FNDC3B: variants seen among roughly 807,000 people sequenced by gnomAD.
The protein encoded by FNDC3B is fibronectin type III domain containing 3B.
FNDC3B carries 12 observed loss-of-function variants against 151.5 expected under a neutral mutation model. That is an observed-to-expected ratio of 0.08 (90% CI 0.05 to 0.13). The LOEUF (loss-of-function observed/expected upper bound fraction) is 0.13. FNDC3B is among the 10% of genes least tolerant of loss of function. The pLI is 1.00. For synonymous variants in FNDC3B, 528 were observed against 549.0 expected, an observed-to-expected ratio of 0.96 and a Z score of 0.54; for missense variants, 1,214 against 1,505.3, an observed-to-expected ratio of 0.81 and a Z score of 3.20.
At chr3:172,330,374 A>G in intron 12 of FNDC3B, 167 bp from the exon 13 acceptor site, 1 of 528,574 alleles carries the variant, frequency 1.9e-6, no homozygotes, top group Non-Finnish European at 3.3e-6. Context: ...GGGGATGGGG[A>G]AGCTGAAGGT....
intron 11 of FNDC3B, 46 bp from the exon 12 acceptor site, chr3:172,328,906 T>G (rs546622865): frequency 7.3e-6 from 5 of 687,350 alleles, no homozygotes; most frequent in Middle Eastern, 3.0e-4. Context: ...TTATCTGTTG[T>G]TTTTTTTTTT....
At chr3:172,360,509 T>G (rs1459941200) in intron 22 of FNDC3B, among the ~76,000 whole-genome samples, 1 of 152,210 alleles carries the variant, frequency 6.6e-6, no homozygotes, top group Admixed American at 6.5e-5. Flanking sequence ...CAAAAACTCT[T>G]TACTTAATTC....
chr3:172,128,482 T>C (rs986024104), intron 2 of FNDC3B, among the ~76,000 whole-genome samples: 1 of 151,446 alleles, frequency 6.6e-6, no homozygotes, highest in Non-Finnish European at 1.5e-5. Context: ...GCACACAGAC[T>C]GGGGTCTCAA....
intron 2 of FNDC3B, among the ~76,000 whole-genome samples, chr3:172,131,893 A>C (rs1322806586): frequency 6.6e-6 from 1 of 152,014 alleles, no homozygotes; most frequent in African/African-American, 2.4e-5. Flanking sequence ...TTAATGTTTT[A>C]TGACTTTCAT....
chr3:172,068,423 CTTTTTTTTT>C (rs11459544), intron 1 of FNDC3B, among the ~76,000 whole-genome samples: 3 of 122,610 alleles, frequency 2.4e-5, no homozygotes, highest in African/African-American at 9.0e-5. Flanking sequence ...TGTGAGGAGC[CTTTTTTTTT>C]TTTTTTTTTG....
chr3:172,105,308 A>G (rs1719588600), intron 1 of FNDC3B, among the ~76,000 whole-genome samples: 1 of 152,164 alleles, frequency 6.6e-6, no homozygotes, highest in Admixed American at 6.5e-5. Context: ...AACTGCAGTC[A>G]AGGCACAAAC....
intron 3 of FNDC3B, among the ~76,000 whole-genome samples, chr3:172,180,898 A>G (rs4894526): frequency 0.68 from 103,096 of 151,874 alleles, 35,921 homozygotes; most frequent in African/African-American, 0.84. Flanking sequence ...CAGAAGCGGG[A>G]AAAATTGGTA....
intron 21 of FNDC3B, among the ~76,000 whole-genome samples, chr3:172,351,965 G>A (rs187709727): frequency 3.9e-5 from 6 of 152,176 alleles, no homozygotes; most frequent in Non-Finnish European, 8.8e-5. Context: ...TTCAAAGCAG[G>A]GGACTGGGCC....
At chr3:172,392,810 C>CTTTCTT (rs1491505881) in intron 25 of FNDC3B, among the ~76,000 whole-genome samples, 3 of 99,872 alleles carry the variant, frequency 3.0e-5, no homozygotes, top group Non-Finnish European at 3.7e-5. Context: ...TTTTTTTTTT[C>CTTTCTT]TTTTTTTTTT....
chr3:172,104,476 T>TCCATATCC (rs1719537412), intron 1 of FNDC3B, among the ~76,000 whole-genome samples: 1 of 151,884 alleles, frequency 6.6e-6, no homozygotes, highest in African/African-American at 2.4e-5. Flanking sequence ...TTAGTCCCTC[T>TCCATATCC]CCATATCCTT....
At chr3:172,332,672 C>A (rs1307568443) in intron 13 of FNDC3B, among the ~76,000 whole-genome samples, 2 of 152,242 alleles carry the variant, frequency 1.3e-5, no homozygotes, top group Admixed American at 1.3e-4. Flanking sequence ...CCTTTCCCAT[C>A]TAAGCTGTCC....
chr3:172,075,279 C>T (rs1717952136), intron 1 of FNDC3B, among the ~76,000 whole-genome samples: 1 of 152,154 alleles, frequency 6.6e-6, no homozygotes, highest in Non-Finnish European at 1.5e-5. Context: ...GTGCCGAGAC[C>T]TACTGGACAA....
intron 3 of FNDC3B, chr3:172,134,461 T>C (rs1721263086): frequency 6.0e-6 from 3 of 496,220 alleles, no homozygotes; most frequent in Non-Finnish European, 1.2e-5. Context: ...AGGTTATTAA[T>C]TGAACTGGAA....
intron 20 of FNDC3B, among the ~76,000 whole-genome samples, chr3:172,346,687 A>G (rs1369268625): frequency 6.6e-6 from 1 of 151,920 alleles, no homozygotes; most frequent in Non-Finnish European, 1.5e-5. Flanking sequence ...TTTGTAAAAA[A>G]TTTTATTTTA....
chr3:172,079,816 A>G (rs1051299854), intron 1 of FNDC3B, among the ~76,000 whole-genome samples: 35 of 152,330 alleles, frequency 2.3e-4, no homozygotes, highest in African/African-American at 8.2e-4. Context: ...ACATGGAGGC[A>G]GAAAATCCGT....
chr3:172,115,015 T>A (rs1448999233), intron 2 of FNDC3B, among the ~76,000 whole-genome samples: 1 of 152,198 alleles, frequency 6.6e-6, no homozygotes, highest in Non-Finnish European at 1.5e-5. Flanking sequence ...GTTAAGTGGG[T>A]AAAGTGTGTT....
intron 3 of FNDC3B, among the ~76,000 whole-genome samples, chr3:172,201,705 G>A (rs1015076387): frequency 3.3e-5 from 5 of 152,168 alleles, no homozygotes; most frequent in East Asian, 1.9e-4. Context: ...AGACCATGGC[G>A]TGTTACAAGA....
intron 3 of FNDC3B, among the ~76,000 whole-genome samples, chr3:172,154,877 T>G (rs1468935909): frequency 6.6e-6 from 1 of 152,060 alleles, no homozygotes; most frequent in Non-Finnish European, 1.5e-5. Context: ...CTGTAATGGC[T>G]TCCCACCCTG....
chr3:172,212,147 G>C (rs1156546311), intron 3 of FNDC3B, among the ~76,000 whole-genome samples: 3 of 152,152 alleles, frequency 2.0e-5, no homozygotes, highest in African/African-American at 4.8e-5. Context: ...TATGACTAAA[G>C]CTGGGGGACT....
Sources: allele counts gnomAD v4.1 joint callset (sites outside exome capture counted in the v4.1 genomes callset), GRCh38; gene constraint gnomAD v4.1.1; transcripts MANE v1.5; gene names NCBI Gene and HGNC (gene_info 2026-07-23, HGNC 2026-07-21).